Variants in GALC observed in about 807,000 individuals in gnomAD.
GALC encodes galactosylceramidase.
In GALC, 77 loss-of-function variants were observed where a neutral mutation model predicts 91.8. The ratio of observed to expected loss-of-function variants is 0.84; its 90% confidence interval spans 0.70 to 1.01. The LOEUF is 1.01. GALC is among the 50% of genes least tolerant of loss of function. The probability of loss-of-function intolerance (pLI) is 0.00; values close to 1 mark genes in which losing one functional copy is unlikely to be tolerated. For missense variants in GALC, 882 were observed against 855.9 expected (o/e 1.03, Z -0.38); for synonymous variants, 357 against 306.7 (o/e 1.16, Z -1.71).
intron 14 of GALC, among the ~76,000 whole-genome samples, chr14:87,942,386 C>A (rs779686609): frequency 1.3e-5 from 2 of 151,996 alleles, no homozygotes; most frequent in Non-Finnish European, 2.9e-5. Context: ...GGAAAAGATT[C>A]AGCTGTCCAG....
chr14:87,939,984 G>A lies in GALC; in HGVS notation c.1835-3C>T. 6.2e-7 allele frequency: 1 copy of A among 1,604,746 alleles called. No homozygotes were observed. Among genetic ancestry groups the A allele is most frequent in the Non-Finnish European group, 8.5e-7 (1 of 1,172,280 alleles). ...TAAAGCATATATAATCCATCCAGCT[G>A]TAACACAAAAATATTATCCCAATAG... On this transcript the variant is annotated splice_polypyrimidine_tract_variant and splice_region_variant and intron_variant, in intron 15 of 16. Coordinates refer to ENST00000261304, the MANE Select transcript of GALC (RefSeq NM_000153.4).
At chr14:87,978,857 C>A (rs899276810) in intron 6 of GALC, among the ~76,000 whole-genome samples, 9 of 151,056 alleles carry the variant, frequency 6.0e-5, no homozygotes, top group African/African-American at 1.7e-4. Flanking sequence ...AGAAACAATA[C>A]CCTTGTCATC....
At chr14:87,975,757 TACACAC>T (rs61368820) in intron 7 of GALC, among the ~76,000 whole-genome samples, 2 of 149,934 alleles carry the variant, frequency 1.3e-5, no homozygotes, top group African/African-American at 4.9e-5. Flanking sequence ...CACACATACA[TACACAC>T]ACACACACAC....
At chr14:87,971,382 C>T (rs1029761892) in intron 7 of GALC, among the ~76,000 whole-genome samples, 8 of 152,098 alleles carry the variant, frequency 5.3e-5, no homozygotes, top group South Asian at 4.1e-4. Flanking sequence ...GGGGTCAATG[C>T]TCAAAACAGT....
At chr14:87,992,546 A>G in intron 1 of GALC, 1 of 1,516,082 alleles carries the variant, frequency 6.6e-7, no homozygotes, top group Non-Finnish European at 8.8e-7. Context: ...AAAGCATCCC[A>G]CTGGGGCGTT....
In GALC at chr14:87,992,928, G is replaced by A. The variant is rs771632557; in HGVS notation, c.195+42C>T. On this transcript the variant is annotated intron_variant, in intron 1 of 16. Transcript: ENST00000261304. ...TTGTGGGGCTGGCCCCACGGGGCGGGCTCTTGCCGCCCCCCGCGTATCCCC... is the reference window on the plus strand; with the variant it reads ...TTGTGGGGCTGGCCCCACGGGGCGGACTCTTGCCGCCCCCCGCGTATCCCC... The A allele has an allele frequency of 2.9e-5, 44 of 1,492,764 alleles. No homozygotes were observed. In the East Asian group the frequency reaches 9.9e-4, roughly 33 times the overall value. 92.5% of individuals were successfully genotyped at this position (1,492,764 alleles called of 1,614,324 possible).
intron 10 of GALC, among the ~76,000 whole-genome samples, chr14:87,960,585 A>G (rs1885759834): frequency 6.6e-6 from 1 of 152,220 alleles, no homozygotes; most frequent in Non-Finnish European, 1.5e-5. Context: ...TTTATCAGAC[A>G]GCTACAGTAC....
At chr14:87,992,635 GACAGCCTGTGCCC>G in intron 1 of GALC, 16 of 1,448,408 alleles carry the variant, frequency 1.1e-5, no homozygotes, top group Non-Finnish European at 1.4e-5. Context: ...CCGCGATGAA[GACAGCCTGTGCCC>G]CACTGCCTGG....
intron 10 of GALC, among the ~76,000 whole-genome samples, chr14:87,960,706 G>C (rs944420634): frequency 3.3e-5 from 5 of 152,086 alleles, no homozygotes; most frequent in African/African-American, 1.2e-4. Context: ...CAACAAGGAT[G>C]CCAAGACAAT....
chr14:87,941,180 A>T (rs977526125), intron 15 of GALC, among the ~76,000 whole-genome samples: 2 of 151,870 alleles, frequency 1.3e-5, no homozygotes, highest in African/African-American at 4.8e-5. Context: ...GCTTTGTACA[A>T]TTATTTTCCC....
chr14:87,986,134 AG>A (rs1469415376), intron 4 of GALC, among the ~76,000 whole-genome samples: 1 of 152,218 alleles, frequency 6.6e-6, no homozygotes, highest in African/African-American at 2.4e-5. Context: ...GATCTTGTGA[AG>A]GAAAGTAGTT....
chr14:87,976,573 C>CTTTACAAA, intron 6 of GALC, 85 bp from the exon 7 acceptor site: 1 of 1,111,152 alleles, frequency 9.0e-7, no homozygotes, highest in Non-Finnish European at 1.4e-6. Context: ...ATAAAGTTAT[C>CTTTACAAA]TTTACAAATC....
chr14:87,982,179 C>T (rs1460796053), intron 6 of GALC, 26 bp downstream of exon 6: 1 of 1,342,912 alleles, frequency 7.4e-7, no homozygotes. Flanking sequence ...AAGTTAAAAA[C>T]AAAAAGATAC....
chr14:87,948,836 G>T (rs1419332181), intron 12 of GALC, among the ~76,000 whole-genome samples: 4 of 151,928 alleles, frequency 2.6e-5, no homozygotes, highest in African/African-American at 9.7e-5. Context: ...TTTTATCACT[G>T]TTAGTGACTA....
chr14:87,947,962 T>C, intron 12 of GALC, 84 bp from the exon 13 acceptor site: 1 of 1,230,984 alleles, frequency 8.1e-7, no homozygotes, highest in Non-Finnish European at 1.2e-6. Flanking sequence ...AAAATTAGCT[T>C]AAAGAAAAGT....
chr14:87,984,532 C>T lies in GALC; in HGVS notation c.444G>A (p.Gly148=). The T allele has an allele frequency of 2.5e-6, 4 of 1,614,072 alleles. No homozygotes were observed. The South Asian group carries it at 3.3e-5, about 13-fold the overall frequency. Residue 148 remains glycine (G), a splice_region_variant and synonymous_variant, in exon 5 of 17, where the codon GGG becomes GGA. Transcript: ENST00000261304. Reference sequence around the variant, plus strand: ...GCCATCCAGGGAATGACCATGGCAACCCTGCAGAGAGAAGGGAGGAGGCAA... The same window carrying T: ...GCCATCCAGGGAATGACCATGGCAATCCTGCAGAGAGAAGGGAGGAGGCAA... ...KKRNPNITLI[G]LPWSFPGWLG... is the part of the protein sequence containing the mutation.
At chr14:87,952,065 AT>A (rs1025781726) in intron 10 of GALC, among the ~76,000 whole-genome samples, 7 of 151,886 alleles carry the variant, frequency 4.6e-5, no homozygotes, top group Non-Finnish European at 8.8e-5. Flanking sequence ...TGGAAATAAA[AT>A]TTTTTTAAAA....
At chr14:87,979,165 C>CA (rs957050789) in intron 6 of GALC, among the ~76,000 whole-genome samples, 1 of 152,112 alleles carries the variant, frequency 6.6e-6, no homozygotes, top group Non-Finnish European at 1.5e-5. Context: ...GATGGGATTA[C>CA]AGGCGTCTGC....
Position 87,963,413 on chromosome 14 carries a change from C to G in GALC, c.1132G>C (p.Gly378Arg). The G allele has an allele frequency of 2.5e-6, 4 of 1,613,412 alleles. No individual in the cohort carries two copies. The change falls in exon 10 of 17, where the codon GGG becomes CGG. Residue 378 changes from glycine to arginine, a missense_variant. Transcript: ENST00000261304. ...GSYVALTDGL[G>R]NLTIIIETMS... is the part of the protein sequence containing the mutation. ...GTTTCAATGATGATGGTGAGGTTCC[C>G]TAAGCCATCAGTCAGAGCTACGTAG... is the stretch of plus-strand genomic sequence containing the variant.
Sources: gnomAD v4.1 joint callset for allele counts (sites outside exome capture counted in the v4.1 genomes callset) on GRCh38, gnomAD v4.1.1 for gene constraint, MANE v1.5 for transcripts, NCBI Gene and HGNC (gene_info 2026-07-23, HGNC 2026-07-21) for gene names.